The following MIB1 variants were observed in gnomAD, a reference collection of about 807,000 sequenced individuals.
MIB1 encodes E3 ubiquitin-protein ligase MIB1.
In MIB1, 278 loss-of-function variants were observed where a neutral mutation model predicts 124.5. That is an observed-to-expected ratio of 2.23 (90% CI 2.02 to 2.47). MIB1 has a LOEUF of 2.47. Among genes scored for constraint, MIB1 ranks in the 30% most tolerant of loss-of-function variants. The pLI is 0.00. For synonymous variants in MIB1, 446 were observed against 429.4 expected, an observed-to-expected ratio of 1.04 and a Z score of -0.48; for missense variants, 957 against 1,254.4, an observed-to-expected ratio of 0.76 and a Z score of 3.58.
intron 17 of MIB1, 53 bp downstream of exon 17, chr18:21,849,441 T>G: frequency 9.3e-7 from 1 of 1,073,698 alleles, no homozygotes; most frequent in Non-Finnish European, 1.3e-6. Context: ...GAGACTAGAA[T>G]TAATGATAAA....
chr18:21,715,082 T>C (rs996946337), intron 1 of MIB1, among the ~76,000 whole-genome samples: 1 of 152,170 alleles, frequency 6.6e-6, no homozygotes. Flanking sequence ...AGAGAACCCA[T>C]GAACCCTCTG....
At chr18:21,726,401 T>A (rs1480889421) in intron 1 of MIB1, among the ~76,000 whole-genome samples, 1 of 151,750 alleles carries the variant, frequency 6.6e-6, no homozygotes, top group Non-Finnish European at 1.5e-5. Flanking sequence ...GAAAAAAAAA[T>A]GGTTAATGAG....
chr18:21,792,838 A>G (rs1263485130), intron 7 of MIB1, among the ~76,000 whole-genome samples: 1 of 152,232 alleles, frequency 6.6e-6, no homozygotes, highest in African/African-American at 2.4e-5. Context: ...ACTGCTATAT[A>G]GATAAAACCT....
chr18:21,725,870 T>A (rs2040739594), intron 1 of MIB1, among the ~76,000 whole-genome samples: 3 of 152,228 alleles, frequency 2.0e-5, no homozygotes, highest in Non-Finnish European at 2.9e-5. Context: ...AAAACCTCAA[T>A]ATAAATCTTC....
At chr18:21,755,534 C>A (rs1387926536) in intron 1 of MIB1, among the ~76,000 whole-genome samples, 1 of 152,150 alleles carries the variant, frequency 6.6e-6, no homozygotes, top group Non-Finnish European at 1.5e-5. Flanking sequence ...TCAGGCTGAT[C>A]TTGAGCTCCT....
chr18:21,724,285 A>T (rs1271691288), intron 1 of MIB1: 3 of 152,224 alleles, frequency 2.0e-5, no homozygotes, highest in Non-Finnish European at 2.9e-5. Flanking sequence ...CCTCAAATCT[A>T]TGTCAAATCA....
chr18:21,855,530 T>C (rs2042218554), intron 18 of MIB1, among the ~76,000 whole-genome samples: 1 of 152,228 alleles, frequency 6.6e-6, no homozygotes, highest in Non-Finnish European at 1.5e-5. Context: ...GCCTTCAAAT[T>C]GAAGACAAAT....
intron 9 of MIB1, 137 bp downstream of exon 9, chr18:21,800,111 G>A (rs1467917060): frequency 1.6e-6 from 1 of 619,542 alleles, no homozygotes; most frequent in Non-Finnish European, 2.6e-6. Flanking sequence ...GTATTTTAAA[G>A]CAGACATCAG....
intron 18 of MIB1, among the ~76,000 whole-genome samples, chr18:21,854,141 A>G (rs1037528493): frequency 6.6e-6 from 1 of 151,994 alleles, no homozygotes; most frequent in African/African-American, 2.4e-5. Context: ...TATAATGGCT[A>G]TTACCCAATA....
At chr18:21,731,614 C>T (rs1047208845) in intron 1 of MIB1, among the ~76,000 whole-genome samples, 17 of 151,976 alleles carry the variant, frequency 1.1e-4, no homozygotes, top group Admixed American at 2.0e-4. Context: ...CACCTGTAGT[C>T]CCAGCTACTC....
In MIB1 at chr18:21,745,236, G is replaced by A. The variant is rs187722508; in HGVS notation, c.229+3424G>A. ...AAGTAAGTTGCAAAAGAAAACCTAC[G>A]GTCTGTTAAAGTGCGGAACAAAACT... On this transcript the variant is annotated intron_variant, in intron 1 of 20. Transcript: ENST00000261537. Among the ~76,000 whole-genome samples the A allele has an allele frequency of 3.0e-3, 456 of 152,300 alleles. 2 individuals are homozygous for A. The highest frequency in any genetic ancestry group is 0.01 in the African/African-American group (431 of 41,562).
intron 1 of MIB1, among the ~76,000 whole-genome samples, chr18:21,746,356 A>G (rs1422154848): frequency 6.6e-6 from 1 of 152,178 alleles, no homozygotes; most frequent in Non-Finnish European, 1.5e-5. Flanking sequence ...CTTTCAGGAC[A>G]CACATGATAT....
chr18:21,832,517 C>T (rs1431738244), intron 12 of MIB1, among the ~76,000 whole-genome samples: 2 of 152,054 alleles, frequency 1.3e-5, no homozygotes, highest in Non-Finnish European at 2.9e-5. Context: ...TCCAGTAAAC[C>T]TGTGGAGATA....
Position 21,868,640 on chromosome 18 carries a change from AAT to A in MIB1, c.*3977_*3978del, listed in dbSNP as rs2042336775. 6.6e-6 allele frequency: 1 copy of A among 152,376 alleles called. No individual in the cohort carries two copies. Among genetic ancestry groups the A allele is most frequent in the Admixed American group, 6.6e-5 (1 of 15,252 alleles). 9.4% of individuals were successfully genotyped at this position (152,376 alleles called of 1,614,324 possible). On this transcript the variant is annotated 3_prime_UTR_variant, in exon 21 of 21. Transcript: ENST00000261537. The stretch of plus-strand genomic sequence containing the variant: ...TTATGTCTGCTTGTAAAAGTTTCAA[AAT>A]ATGTTTTCCCTCAAAAAGGCAACGT...
chr18:21,817,341 T>G (rs1169630503), intron 11 of MIB1, among the ~76,000 whole-genome samples: 2 of 151,534 alleles, frequency 1.3e-5, no homozygotes, highest in Non-Finnish European at 1.5e-5. Context: ...CCCAGGTTGG[T>G]CTCAAACTTC....
At chr18:21,749,964 C>T (rs181803593) in intron 1 of MIB1, among the ~76,000 whole-genome samples, 10 of 152,012 alleles carry the variant, frequency 6.6e-5, no homozygotes, top group Admixed American at 3.3e-4. Flanking sequence ...TTTAACTTTC[C>T]AGTTTTCTTG....
At chr18:21,763,255 C>T (rs1030080465) in intron 1 of MIB1, among the ~76,000 whole-genome samples, 2 of 152,122 alleles carry the variant, frequency 1.3e-5, no homozygotes, top group Non-Finnish European at 2.9e-5. Flanking sequence ...TCTTAAATCA[C>T]ATACGCTTGT....
chr18:21,745,960 C>G (rs2040908408), intron 1 of MIB1, among the ~76,000 whole-genome samples: 1 of 152,138 alleles, frequency 6.6e-6, no homozygotes, highest in Admixed American at 6.5e-5. Flanking sequence ...ATAGCCTCAG[C>G]CTCCCAAAGT....
At chr18:21,765,045 C>A (rs1027555850) in intron 1 of MIB1, among the ~76,000 whole-genome samples, 83 of 152,138 alleles carry the variant, frequency 5.5e-4, no homozygotes, top group African/African-American at 1.9e-3. Flanking sequence ...GTATTACCCC[C>A]AATTATTTCA....
Sources: gnomAD v4.1 joint callset for allele counts (sites outside exome capture counted in the v4.1 genomes callset) on GRCh38, gnomAD v4.1.1 for gene constraint, MANE v1.5 for transcripts, NCBI Gene and HGNC (gene_info 2026-07-23, HGNC 2026-07-21) for gene names.